KCNMA1: variants seen among roughly 807,000 people sequenced by gnomAD.
KCNMA1 encodes potassium calcium-activated channel subfamily M alpha 1.
A neutral mutation model predicts 140.0 loss-of-function variants in KCNMA1; 29 were observed. The observed-to-expected ratio is 0.21, with a 90% CI of 0.15 to 0.28. KCNMA1 has a LOEUF of 0.28. KCNMA1 is among the 10% of genes least tolerant of loss of function. The pLI, the probability that KCNMA1 is intolerant of heterozygous loss-of-function variation, is 1.00. For missense variants in KCNMA1, 880 were observed against 1,602.2 expected, an observed-to-expected ratio of 0.55 and a Z score of 7.70; for synonymous variants, 612 against 611.9, an observed-to-expected ratio of 1.00 and a Z score of 0.00.
rs191303552 is a variant in KCNMA1 at position 77,621,208 on chromosome 10, A to C, written c.378+16057T>G. Among the ~76,000 whole-genome samples the C allele has an allele frequency of 2.3e-3, 346 of 152,340 alleles. 4 individuals are homozygous for C. Among genetic ancestry groups the C allele is most frequent in the Non-Finnish European group, 1.2e-3 (80 of 68,028 alleles). ...TCTAAGGCAAGGAAGATTCATAACC[A>C]CTGAATGAGTTAACCACTACCTTCT... is the stretch of plus-strand genomic sequence containing the variant. On this transcript the variant is annotated intron_variant, in intron 1 of 27. Transcript: ENST00000286628.
chr10:77,052,364 TGGATCATGTGTGGGTA>T (rs1331472489), intron 14 of KCNMA1, among the ~76,000 whole-genome samples: 1 of 152,038 alleles, frequency 6.6e-6, no homozygotes, highest in Non-Finnish European at 1.5e-5. Flanking sequence ...AAATAGAAAA[TGGATCATGTGTGGGTA>T]GCACCATTAA....
rs77069546 is a variant in KCNMA1 at position 77,389,993 on chromosome 10, G to A, written c.540+13869C>T. On this transcript the variant is annotated intron_variant, in intron 2 of 27. Transcript: ENST00000286628. Reference sequence around the variant, plus strand: ...AATCACTCTGGCAGCTAAGAAAAGTGCATTCTCTCTCCTTTTGCAGTTCTC... The same window carrying A: ...AATCACTCTGGCAGCTAAGAAAAGTACATTCTCTCTCCTTTTGCAGTTCTC... Among the ~76,000 whole-genome samples the A allele has an allele frequency of 2.5e-3, 386 of 152,322 alleles. 3 individuals are homozygous for A. Among genetic ancestry groups the A allele is most frequent in the African/African-American group, 9.0e-3 (374 of 41,576 alleles).
intron 14 of KCNMA1, 67 bp from the exon 15 acceptor site, chr10:77,039,704 T>A: frequency 1.0e-6 from 1 of 962,566 alleles, no homozygotes; most frequent in Non-Finnish European, 1.7e-6. Context: ...GAAACCTGAG[T>A]TACACTCTTA....
chr10:77,104,833 G>C (rs1564562806), intron 9 of KCNMA1, among the ~76,000 whole-genome samples: 1 of 152,200 alleles, frequency 6.6e-6, no homozygotes, highest in Non-Finnish European at 1.5e-5. Flanking sequence ...CTGTGAGAGG[G>C]AGGAGAGAGC....
intron 1 of KCNMA1, among the ~76,000 whole-genome samples, chr10:77,460,865 G>A (rs182671431): frequency 3.4e-4 from 52 of 152,304 alleles, no homozygotes; most frequent in Non-Finnish European, 5.3e-4. Flanking sequence ...CAGCACTCTG[G>A]GAGGCCGAGG....
At chr10:77,356,902 A>C (rs537497612) in intron 2 of KCNMA1, among the ~76,000 whole-genome samples, 64 of 152,330 alleles carry the variant, frequency 4.2e-4, no homozygotes, top group African/African-American at 1.3e-3. Flanking sequence ...TGATCCAATG[A>C]GAGTGAGTTC....
downstream of KCNMA1, among the ~76,000 whole-genome samples, chr10:76,880,879 G>C (rs1266891201): frequency 1.3e-5 from 2 of 152,184 alleles, no homozygotes; most frequent in Non-Finnish European, 2.9e-5. Context: ...AGATGAGAAG[G>C]GCAATTGATC....
intron 22 of KCNMA1, among the ~76,000 whole-genome samples, chr10:76,947,476 T>A (rs796979974): frequency 1.3e-5 from 2 of 152,066 alleles, no homozygotes; most frequent in African/African-American, 4.8e-5. Context: ...ACACACAGAC[T>A]CATGTATCCT....
intron 16 of KCNMA1, among the ~76,000 whole-genome samples, chr10:77,027,301 T>C (rs2093550107): frequency 6.6e-6 from 1 of 152,170 alleles, no homozygotes; most frequent in East Asian, 1.9e-4. Context: ...TGAGCTCCAC[T>C]CTCCTGGCTC....
intron 1 of KCNMA1, among the ~76,000 whole-genome samples, chr10:77,457,779 CA>C (rs200776118): frequency 0.02 from 3,047 of 152,226 alleles, 43 homozygotes; most frequent in Middle Eastern, 0.068. Flanking sequence ...GCTGAATTAA[CA>C]AATCCCTAGG....
chr10:76,986,692 G>A (rs1255813048), intron 19 of KCNMA1, among the ~76,000 whole-genome samples: 1 of 152,188 alleles, frequency 6.6e-6, no homozygotes, highest in East Asian at 1.9e-4. Flanking sequence ...AACAATTAAA[G>A]GTGCACACCC....
intron 5 of KCNMA1, among the ~76,000 whole-genome samples, chr10:77,153,492 G>A (rs777621081): frequency 6.6e-5 from 10 of 151,880 alleles, no homozygotes; most frequent in African/African-American, 2.4e-4. Context: ...TCACCTCAGC[G>A]TCCTGCATAG....
At chr10:77,496,510 T>C (rs1166772925) in intron 1 of KCNMA1, among the ~76,000 whole-genome samples, 6 of 141,826 alleles carry the variant, frequency 4.2e-5, no homozygotes, top group African/African-American at 1.5e-4. Context: ...GGCAGGAGAA[T>C]GGCGTGAACC....
Position 77,012,538 on chromosome 10 carries a change from G to A in KCNMA1, c.2016-495C>T, listed in dbSNP as rs776282772. Reference sequence around the variant, plus strand: ...AAGCACCTTTTCTGGGCAGCCAAAGGGAGACAGAGTTGAGGAGGTCTGCAG... The same window carrying A: ...AAGCACCTTTTCTGGGCAGCCAAAGAGAGACAGAGTTGAGGAGGTCTGCAG... On this transcript the variant is annotated intron_variant, in intron 17 of 27. Transcript: ENST00000286628. 24 of 1,550,014 alleles carry A rather than the reference G, an allele frequency of 1.5e-5. No homozygotes were observed. The South Asian group carries it at 2.9e-4, about 18-fold the overall frequency.
At chr10:77,348,625 C>T (rs1328499393) in intron 2 of KCNMA1, among the ~76,000 whole-genome samples, 6 of 152,166 alleles carry the variant, frequency 3.9e-5, no homozygotes, top group Non-Finnish European at 8.8e-5. Flanking sequence ...AAAGAAGAAG[C>T]TTTGTATATT....
At chr10:77,557,559 T>TA (rs924267404) in intron 1 of KCNMA1, among the ~76,000 whole-genome samples, 22 of 152,120 alleles carry the variant, frequency 1.4e-4, no homozygotes, top group African/African-American at 5.3e-4. Flanking sequence ...GATATATATA[T>TA]TTTTTTAAAA....
chr10:77,132,840 AAAAT>A (rs1350708014), intron 5 of KCNMA1, among the ~76,000 whole-genome samples: 2 of 152,236 alleles, frequency 1.3e-5, no homozygotes, highest in Non-Finnish European at 2.9e-5. Context: ...AGTTGAAAGA[AAAAT>A]AAATCCAAAA....
At chr10:77,280,915 T>C (rs996697582) in intron 2 of KCNMA1, among the ~76,000 whole-genome samples, 2 of 152,208 alleles carry the variant, frequency 1.3e-5, no homozygotes, top group African/African-American at 4.8e-5. Flanking sequence ...TTTTGATATC[T>C]GAAAGTCATG....
intron 2 of KCNMA1, among the ~76,000 whole-genome samples, chr10:77,268,564 G>T (rs932799443): frequency 6.6e-6 from 1 of 152,104 alleles, no homozygotes; most frequent in African/African-American, 2.4e-5. Flanking sequence ...CTAGATTTCA[G>T]ATCAAAAGCA....
Sources: gnomAD v4.1 joint callset for allele counts (sites outside exome capture counted in the v4.1 genomes callset) on GRCh38, gnomAD v4.1.1 for gene constraint, MANE v1.5 for transcripts, NCBI Gene and HGNC (gene_info 2026-07-23, HGNC 2026-07-21) for gene names.